Variants in SNTG1 observed in about 807,000 individuals in gnomAD.
The protein encoded by SNTG1 is syntrophin gamma 1, also known as gamma-1-syntrophin.
SNTG1 carries 39 observed loss-of-function variants against 74.7 expected under a neutral mutation model. The ratio of observed to expected loss-of-function variants is 0.52; its 90% CI spans 0.40 to 0.68. The LOEUF (loss-of-function observed/expected upper bound fraction) is 0.68, where lower values mean the gene tolerates loss of function less well. SNTG1 is among the 30% of genes least tolerant of loss of function. The pLI is 0.00. For synonymous variants in SNTG1, 254 were observed against 217.1 expected (o/e 1.17, Z -1.49); for missense variants, 685 against 609.5 (o/e 1.12, Z -1.30).
At chr8:50,016,557 T>C (rs1816334382) in intron 1 of SNTG1, among the ~76,000 whole-genome samples, 1 of 152,136 alleles carries the variant, frequency 6.6e-6, no homozygotes, top group Non-Finnish European at 1.5e-5. Flanking sequence ...TTGCAAAGCT[T>C]CTTGAACCAC....
chr8:49,987,261 A>G (rs1813252915), intron 1 of SNTG1, among the ~76,000 whole-genome samples: 1 of 152,222 alleles, frequency 6.6e-6, no homozygotes, highest in South Asian at 2.1e-4. Context: ...AATTAAGAGT[A>G]TAAATAAAAC....
chr8:50,488,943 A>G (rs1428900203), intron 8 of SNTG1, among the ~76,000 whole-genome samples: 1 of 151,818 alleles, frequency 6.6e-6, no homozygotes, highest in African/African-American at 2.4e-5. Flanking sequence ...CCACCCCACA[A>G]CAGGCCCCAA....
At chr8:50,386,913 G>C (rs1002384341) in intron 2 of SNTG1, among the ~76,000 whole-genome samples, 1 of 152,098 alleles carries the variant, frequency 6.6e-6, no homozygotes, top group South Asian at 2.1e-4. Context: ...CTTCATGCAA[G>C]GGGCTCTGGT....
intron 9 of SNTG1, among the ~76,000 whole-genome samples, chr8:50,518,422 T>G (rs2094151704): frequency 6.6e-6 from 1 of 151,750 alleles, no homozygotes; most frequent in Non-Finnish European, 1.5e-5. Context: ...CAAACAAATT[T>G]AAAAGCTAGC....
intron 4 of SNTG1, among the ~76,000 whole-genome samples, chr8:50,432,879 C>G (rs1453928430): frequency 6.6e-6 from 1 of 152,074 alleles, no homozygotes; most frequent in Non-Finnish European, 1.5e-5. Flanking sequence ...CAACCTCCAC[C>G]TCCCTGGTTC....
Position 50,622,923 on chromosome 8 carries a change from C to T in SNTG1, c.849+32006C>T, listed in dbSNP as rs190423640. Among the ~76,000 whole-genome samples, 413 of 152,052 alleles carry T rather than the reference C, an allele frequency of 2.7e-3. 7 individuals are homozygous for T. Among genetic ancestry groups the T allele is most frequent in the African/African-American group, 7.1e-3 (296 of 41,510 alleles). ...TTTCAAGATGAATTACCGATGTTTT[C>T]GGTGAAAATGTTTTCTGAAATTCCA... On this transcript the variant is annotated intron_variant, in intron 13 of 18. Coordinates refer to ENST00000642720, the MANE Select transcript of SNTG1 (RefSeq NM_018967.5).
intron 13 of SNTG1, among the ~76,000 whole-genome samples, chr8:50,643,491 A>T (rs2095086890): frequency 6.6e-6 from 1 of 152,218 alleles, no homozygotes; most frequent in Non-Finnish European, 1.5e-5. Flanking sequence ...TCTACAGCTG[A>T]TATAAAATGA....
intron 13 of SNTG1, among the ~76,000 whole-genome samples, chr8:50,627,051 A>G (rs1000513531): frequency 6.6e-6 from 1 of 152,066 alleles, no homozygotes; most frequent in Non-Finnish European, 1.5e-5. Flanking sequence ...ACAGCTTATT[A>G]TTTTAAAGTG....
chr8:50,037,798 A>T (rs1001916060), intron 1 of SNTG1, among the ~76,000 whole-genome samples: 5 of 152,198 alleles, frequency 3.3e-5, no homozygotes, highest in African/African-American at 1.2e-4. Flanking sequence ...TAAGCCAGGG[A>T]TATGGTAAAT....
chr8:49,928,145 TAATAAATAAATA>T (rs372341073), intron 1 of SNTG1, among the ~76,000 whole-genome samples: 14 of 138,122 alleles, frequency 1.0e-4, no homozygotes, highest in South Asian at 7.0e-4. Flanking sequence ...TCTCAAAAAA[TAATAAATAAATA>T]AATAAATAAA....
rs139359273 is a variant in SNTG1, at chr8:50,292,199, G to C, written c.-27-102013G>C. 1.0e-2 allele frequency among the ~76,000 whole-genome samples: 1,516 copies of C among 152,248 alleles called. 6 individuals are homozygous for C. The highest frequency in any genetic ancestry group is 0.048 in the Middle Eastern group (14 of 294). On this transcript the variant is annotated intron_variant, in intron 2 of 18. Transcript: ENST00000642720. ...AGAGTCATGTGGACAGAAGTGCAGA[G>C]GGAGGAAACAAGCCAGATGAGTAAG...
At chr8:50,245,242 A>G (rs550406352) in intron 2 of SNTG1, among the ~76,000 whole-genome samples, 1 of 152,320 alleles carries the variant, frequency 6.6e-6, no homozygotes, top group East Asian at 1.9e-4. Context: ...CTGAAAGCAC[A>G]CTGATCTGGA....
At chr8:50,610,165 C>T (rs1354053518) in intron 13 of SNTG1, among the ~76,000 whole-genome samples, 1 of 152,146 alleles carries the variant, frequency 6.6e-6, no homozygotes, top group Non-Finnish European at 1.5e-5. Context: ...ATCTGTCTCC[C>T]TTGTGGTGTG....
At chr8:50,049,249 C>A (rs1383766047) in intron 1 of SNTG1, among the ~76,000 whole-genome samples, 1 of 151,954 alleles carries the variant, frequency 6.6e-6, no homozygotes, top group Admixed American at 6.6e-5. Context: ...GAAACAAGAT[C>A]CAACTGCATT....
At chr8:50,770,516 G>A (rs879788447) in intron 18 of SNTG1, among the ~76,000 whole-genome samples, 2 of 151,948 alleles carry the variant, frequency 1.3e-5, no homozygotes, top group Non-Finnish European at 2.9e-5. Flanking sequence ...CCCACTGAAG[G>A]GTGTGGGCTG....
At chr8:49,995,155 G>A (rs1259159045) in intron 1 of SNTG1, among the ~76,000 whole-genome samples, 2 of 152,196 alleles carry the variant, frequency 1.3e-5, no homozygotes, top group East Asian at 3.9e-4. Flanking sequence ...CAAAAATTCT[G>A]GAGTGAATAA....
At chr8:50,024,296 GT>G (rs751917911) in intron 1 of SNTG1, among the ~76,000 whole-genome samples, 2 of 152,104 alleles carry the variant, frequency 1.3e-5, no homozygotes, top group Non-Finnish European at 2.9e-5. Context: ...GCACAATCAA[GT>G]TTGAGAACCA....
intron 11 of SNTG1, among the ~76,000 whole-genome samples, chr8:50,537,485 C>G (rs1003664330): frequency 2.0e-5 from 3 of 152,108 alleles, no homozygotes; most frequent in Non-Finnish European, 2.9e-5. Flanking sequence ...TAGTGCCCTC[C>G]TTTTCATTCT....
At chr8:50,217,704 C>A (rs1437411893) in intron 2 of SNTG1, among the ~76,000 whole-genome samples, 1 of 152,168 alleles carries the variant, frequency 6.6e-6, no homozygotes, top group Non-Finnish European at 1.5e-5. Flanking sequence ...ATATACTCTT[C>A]ATAACAACTC....
Sources: allele counts gnomAD v4.1 joint callset (sites outside exome capture counted in the v4.1 genomes callset), GRCh38; gene constraint gnomAD v4.1.1; transcripts MANE v1.5; gene names NCBI Gene and HGNC (gene_info 2026-07-23, HGNC 2026-07-21).